RAB2B: variants seen among roughly 807,000 people sequenced by gnomAD.
RAB2B encodes RAB2B, member RAS oncogene family.
Under a neutral mutation model 29.8 loss-of-function variants are expected in RAB2B, and 20 were observed. The observed-to-expected ratio is 0.67, with a 90% CI of 0.47 to 0.97. The LOEUF is 0.97. Ranked by LOEUF, RAB2B falls within the 50% of genes least tolerant of loss-of-function variation. The pLI is 0.00. For synonymous variants in RAB2B, 93 were observed against 91.7 expected (o/e 1.01, Z -0.08); for missense variants, 218 against 272.0 (o/e 0.80, Z 1.40).
At chr14:21,470,504 T>C (rs1352480738) in intron 3 of RAB2B, among the ~76,000 whole-genome samples, 1 of 152,092 alleles carries the variant, frequency 6.6e-6, no homozygotes, top group Non-Finnish European at 1.5e-5. Flanking sequence ...TCTATAAGAA[T>C]CATAGAAACA....
At chr14:21,462,753 C>T (rs1177406111) in intron 6 of RAB2B, among the ~76,000 whole-genome samples, 1 of 150,092 alleles carries the variant, frequency 6.7e-6, no homozygotes, top group East Asian at 2.0e-4. Context: ...GCACGAAAAT[C>T]GCTTAAACCC....
chr14:21,465,762 A>G (rs1469192112), intron 5 of RAB2B, among the ~76,000 whole-genome samples: 2 of 152,334 alleles, frequency 1.3e-5, no homozygotes, highest in East Asian at 3.9e-4. Flanking sequence ...CTAAGGTGCT[A>G]TAAAATCTGG....
chr14:21,460,930 C>T lies in RAB2B; in HGVS notation c.*266G>A, dbSNP rs534272063. The T allele has an allele frequency of 4.1e-6, 1 of 245,446 alleles. No homozygotes were observed. Among genetic ancestry groups the T allele is most frequent in the African/African-American group, 2.2e-5 (1 of 44,490 alleles). The allele number at this position is 245,446 out of a possible 1,614,324, so 15.2% of individuals were successfully genotyped here. ...GCCCCGCCATGAAATTATTTTTTAA[C>T]TACTGTGATAATCAACTTTGATCCT... On this transcript the variant is annotated 3_prime_UTR_variant, in exon 8 of 8. Transcript: ENST00000397762.
chr14:21,474,845 CTAAAT>C lies in RAB2B; in HGVS notation c.186+17_186+21del, dbSNP rs773988318. 1 of 1,598,020 alleles carries C rather than the reference CTAAAT, an allele frequency of 6.3e-7. No individual in the cohort carries two copies. Among genetic ancestry groups the C allele is most frequent in the Non-Finnish European group, 8.6e-7 (1 of 1,165,334 alleles). On this transcript the variant is annotated intron_variant, in intron 3 of 7. Transcript: ENST00000397762. The stretch of plus-strand genomic sequence containing the variant: ...GTTATACTTGGATATTGGTCAGAGA[CTAAAT>C]TATTTTGTACTCTCACCGTATCCCA...
chr14:21,475,003 T>C (rs1890913541), intron 2 of RAB2B, 69 bp from the exon 3 acceptor site: 2 of 1,263,832 alleles, frequency 1.6e-6, no homozygotes, highest in Non-Finnish European at 2.3e-6. Flanking sequence ...GGGAGGTTCC[T>C]GCCTTTCCTC....
At chr14:21,474,348 T>C (rs1445032552) in intron 3 of RAB2B, among the ~76,000 whole-genome samples, 1 of 152,234 alleles carries the variant, frequency 6.6e-6, no homozygotes, top group Non-Finnish European at 1.5e-5. Flanking sequence ...TGTATTGATA[T>C]GGAAAGGTCC....
At position 21,461,111 on chromosome 14, in the gene RAB2B, C is replaced by T. The variant is rs1890543837; in HGVS notation, c.*85G>A. 3 of 973,088 alleles carry T rather than the reference C, an allele frequency of 3.1e-6. No homozygotes were observed. Among genetic ancestry groups the T allele is most frequent in the Non-Finnish European group, 4.7e-6 (3 of 638,034 alleles). 60.3% of individuals were successfully genotyped at this position (973,088 alleles called of 1,614,324 possible). A position where few individuals can be genotyped will look rare whatever the true frequency, so the allele number is the denominator to read the frequency against. On this transcript the variant is annotated 3_prime_UTR_variant, in exon 8 of 8. Coordinates refer to ENST00000397762, the MANE Select transcript of RAB2B (RefSeq NM_032846.4). ...TCACACTTTAAAAAGAGGCTGCTCTCAGCCAAAGCAAGAAAGACCTCTTTC... is the reference window on the plus strand; with the variant it reads ...TCACACTTTAAAAAGAGGCTGCTCTTAGCCAAAGCAAGAAAGACCTCTTTC...
intron 1 of RAB2B, 66 bp from the exon 2 acceptor site, chr14:21,476,665 CG>C (rs764632136): frequency 1.2e-6 from 2 of 1,613,264 alleles, no homozygotes; most frequent in East Asian, 4.5e-5. Flanking sequence ...ATGGACTTCC[CG>C]GACCAGAGAA....
At chr14:21,469,871 C>A (rs970066959) in intron 3 of RAB2B, among the ~76,000 whole-genome samples, 1 of 151,778 alleles carries the variant, frequency 6.6e-6, no homozygotes, top group African/African-American at 2.4e-5. Flanking sequence ...AAATGTGCTA[C>A]GAACTTTAAG....
At chr14:21,466,251 G>A (rs762368044) in intron 5 of RAB2B, among the ~76,000 whole-genome samples, 36 of 152,262 alleles carry the variant, frequency 2.4e-4, no homozygotes, top group Middle Eastern at 3.4e-3. Flanking sequence ...TTGGGAGGCC[G>A]AGGCAGGCGG....
At chr14:21,464,024 G>C (rs937558223) in intron 5 of RAB2B, among the ~76,000 whole-genome samples, 1 of 152,102 alleles carries the variant, frequency 6.6e-6, no homozygotes, top group Admixed American at 6.6e-5. Flanking sequence ...CAAGGGTTAG[G>C]CAAGCCCCCA....
At chr14:21,467,353 C>A (rs1011420716) in intron 5 of RAB2B, among the ~76,000 whole-genome samples, 7 of 152,018 alleles carry the variant, frequency 4.6e-5, no homozygotes, top group African/African-American at 1.7e-4. Flanking sequence ...TAAACAAGGT[C>A]TCACTATGTT....
Position 21,476,903 on chromosome 14 carries a change from C to T in RAB2B, c.-31G>A, listed in dbSNP as rs1890991559. On this transcript the variant is annotated 5_prime_UTR_variant, in exon 1 of 8. Transcript: ENST00000397762. Reference sequence around the variant, plus strand: ...CGCGTCCTCTGGGTTCCGGGTCCGCCCGACTTCTATAGCCACTTACCTCCG... The same window carrying T: ...CGCGTCCTCTGGGTTCCGGGTCCGCTCGACTTCTATAGCCACTTACCTCCG... 3.1e-6 allele frequency: 5 copies of T among 1,612,336 alleles called. No individual in the cohort carries two copies. The South Asian group carries it at 3.3e-5, about 11-fold the overall frequency.
At chr14:21,472,790 T>G (rs1354972604) in intron 3 of RAB2B, among the ~76,000 whole-genome samples, 2 of 151,630 alleles carry the variant, frequency 1.3e-5, no homozygotes, top group African/African-American at 2.4e-5. Context: ...TTTCTTACTT[T>G]CATGATCCAA....
chr14:21,472,813 T>C (rs1289397989), intron 3 of RAB2B, among the ~76,000 whole-genome samples: 1 of 150,396 alleles, frequency 6.6e-6, no homozygotes, highest in East Asian at 1.9e-4. Context: ...ATGTCCCATA[T>C]GAGTGCTTAA....
At position 21,460,368 on chromosome 14, in the gene RAB2B, C is replaced by G. The variant is rs773461338; in HGVS notation, c.*828G>C. ...TTGGGAGGCCAAGGTGGGCGGATCA[C>G]GAGGTCAAGAGATCAAGACCATCCT... On this transcript the variant is annotated 3_prime_UTR_variant, in exon 8 of 8. Transcript: ENST00000397762. 2 of 495,928 alleles carry G rather than the reference C, an allele frequency of 4.0e-6. No homozygotes were observed. Among genetic ancestry groups the G allele is most frequent in the Non-Finnish European group, 8.1e-6 (2 of 248,044 alleles). 30.7% of individuals were successfully genotyped at this position (495,928 alleles called of 1,614,324 possible).
rs552056399 is a variant in RAB2B at position 21,463,734 on chromosome 14, T to C, written c.396A>G (p.Glu132=). ...GCTCCCTAGCAAAGGCCTCTCCTTC[T>C]TCTCTCTTCACATCCCTGCGGGACT... ...DLESRRDVKR[E]EGEAFAREHG... is the part of the protein sequence containing the mutation. Residue 132 remains glutamate, a synonymous_variant, in exon 6 of 8, where the codon GAA becomes GAG. Transcript: ENST00000397762. The C allele has an allele frequency of 7.2e-5, 116 of 1,613,926 alleles. 1 individual carries two copies. The South Asian group carries it at 1.2e-3, about 17-fold the overall frequency.
chr14:21,462,233 C>A, intron 7 of RAB2B, 117 bp downstream of exon 7: 6 of 703,368 alleles, frequency 8.5e-6, no homozygotes, highest in South Asian at 7.4e-5. Context: ...GTTGAATTGG[C>A]AGAGCTTTTA....
At chr14:21,464,105 G>GA (rs890886436) in intron 5 of RAB2B, among the ~76,000 whole-genome samples, 67 of 146,838 alleles carry the variant, frequency 4.6e-4, no homozygotes, top group Middle Eastern at 3.6e-3. Flanking sequence ...TATAGATGAG[G>GA]AAAAAAAAAA....
Sources: allele counts gnomAD v4.1 joint callset (sites outside exome capture counted in the v4.1 genomes callset), GRCh38; gene constraint gnomAD v4.1.1; transcripts MANE v1.5; gene names NCBI Gene and HGNC (gene_info 2026-07-23, HGNC 2026-07-21).